The following TRIP6 variants were observed in gnomAD, a reference collection of about 807,000 sequenced individuals.
The protein encoded by TRIP6 is thyroid receptor-interacting protein 6.
In TRIP6, 33 loss-of-function variants were observed where a neutral mutation model predicts 51.9. That is an observed-to-expected ratio of 0.64 (90% CI 0.48 to 0.85). The LOEUF (loss-of-function observed/expected upper bound fraction) is 0.85. TRIP6 is among the 40% of genes least tolerant of loss of function. The pLI is 0.00. For synonymous variants in TRIP6, 255 were observed against 275.8 expected, an observed-to-expected ratio of 0.92 and a Z score of 0.75; for missense variants, 661 against 652.1, an observed-to-expected ratio of 1.01 and a Z score of -0.15.
In TRIP6 at chr7:100,867,484, C is replaced by A. The variant is rs769520272; in HGVS notation, c.-14C>A. On this transcript the variant is annotated 5_prime_UTR_variant, in exon 1 of 9. Transcript: ENST00000200457. This position sits in a 1 kb window ranked among gnomAD's most constrained non-coding sequence, Gnocchi z 5.4. ...GGCTTCAAGACCGCTGTCTGGAGTC[C>A]CCCTTTCCAGGCCATGTCGGGGCCC... 3 of 1,456,852 alleles carry A rather than the reference C, an allele frequency of 2.1e-6. No individual in the cohort carries two copies. The highest frequency in any genetic ancestry group is 1.5e-5 in the African/African-American group (1 of 68,238). The allele number at this position is 1,456,852 out of a possible 1,614,324, so 90.2% of individuals were successfully genotyped here. A position where few individuals can be genotyped will look rare whatever the true frequency, so the allele number is the denominator to read the frequency against.
Position 100,873,201 on chromosome 7 carries a change from CGA to C in TRIP6, c.1331_1332del (p.Glu444ValfsTer31), listed in dbSNP as rs1467799658. The C allele has an allele frequency of 6.2e-7, 1 of 1,613,408 alleles. No individual in the cohort carries two copies. The highest frequency in any genetic ancestry group is 8.5e-7 in the Non-Finnish European group (1 of 1,179,690). ...ECGLLLSSEG[E>X]CQGCYPLDGH... is the part of the protein sequence containing the mutation. ...GTGGGCTGCTGCTCTCCTCTGAGGG[CGA>C]GTGTCAGGGCTGCTACCCGCTGGAT... is the stretch of plus-strand genomic sequence containing the variant. On this transcript the variant is annotated frameshift_variant, in exon 9 of 9. Transcript: ENST00000200457. LOFTEE classifies it high-confidence loss of function.
In TRIP6 at chr7:100,867,849, C is replaced by T. The variant is rs752104344; in HGVS notation, c.110-12C>T. On this transcript the variant is annotated splice_polypyrimidine_tract_variant and intron_variant, in intron 1 of 8. Transcript: ENST00000200457. This position sits in a 1 kb window ranked among gnomAD's most constrained non-coding sequence, Gnocchi z 5.4. ...CGCCACCCCACCTTTGATTTCTCTT[C>T]CCTCAACCCAGCACTCCAGCCCCAC... The T allele has an allele frequency of 4.1e-5, 63 of 1,541,146 alleles. No individual in the cohort carries two copies. The highest frequency in any genetic ancestry group is 6.5e-5 in the Admixed American group (3 of 46,028).
At chr7:100,872,788 G>A in intron 8 of TRIP6, 44 bp downstream of exon 8, 1 of 1,611,440 alleles carries the variant, frequency 6.2e-7, no homozygotes, top group Non-Finnish European at 8.5e-7. Context: ...AGTGTCTAGG[G>A]TGCTGGGTAG....
rs754859842 is a variant in TRIP6, at chr7:100,871,628, G to A, written c.1085G>A (p.Cys362Tyr). ...RAMGKAYHPG[C>Y]FTCVVCHRGL... ...ATGGGGAAGGCCTACCACCCTGGCT[G>A]CTTCACCTGCGTGGTGTGTCACCGC... The change falls in exon 7 of 9, where the codon TGC (cysteine) becomes TAC (tyrosine). Residue 362 changes from cysteine to tyrosine, a missense_variant. By Grantham distance (194) the Cys-to-Tyr change is radical. Transcript: ENST00000200457. 1.2e-6 allele frequency: 2 copies of A among 1,614,116 alleles called. No individual in the cohort carries two copies. Among genetic ancestry groups the A allele is most frequent in the South Asian group, 2.2e-5 (2 of 91,088 alleles).
intron 4 of TRIP6, among the ~76,000 whole-genome samples, chr7:100,869,359 G>A (rs1205316458): frequency 1.3e-5 from 2 of 151,238 alleles, no homozygotes; most frequent in Non-Finnish European, 3.0e-5. Context: ...GGGGCTGAGC[G>A]CGGTGGCTCA....
rs371780993 is a variant in TRIP6, at chr7:100,871,587, C to T, written c.1044C>T (p.Asp348=). The part of the protein sequence containing the change: ...KCATCSQPIL[D]RILRAMGKAY... ...CCACGTGCTCCCAGCCCATCCTGGACCGGATCCTGCGGGCTATGGGGAAGG... is the reference window on the plus strand; with the variant it reads ...CCACGTGCTCCCAGCCCATCCTGGATCGGATCCTGCGGGCTATGGGGAAGG... Residue 348 remains aspartate (D), a synonymous_variant, in exon 7 of 9, where the codon GAC becomes GAT. Coordinates refer to ENST00000200457, the MANE Select transcript of TRIP6 (RefSeq NM_003302.3). The T allele has an allele frequency of 6.2e-6, 10 of 1,613,978 alleles. No individual in the cohort carries two copies. The South Asian group carries it at 7.7e-5, about 12-fold the overall frequency.
At chr7:100,872,575 C>T (rs1292240015) in intron 7 of TRIP6, 49 bp from the exon 8 acceptor site, 12 of 1,607,678 alleles carry the variant, frequency 7.5e-6, no homozygotes, top group Non-Finnish European at 1.0e-5. Context: ...ATTGTTGGTG[C>T]CCTGCAACCC....
At chr7:100,872,822 C>T in intron 8 of TRIP6, 78 bp downstream of exon 8, 1 of 1,536,546 alleles carries the variant, frequency 6.5e-7, no homozygotes, top group Non-Finnish European at 8.8e-7. Flanking sequence ...ACACAGAGGT[C>T]TGGGGTTGAT....
chr7:100,869,186 G>A (rs1815216703), intron 4 of TRIP6, among the ~76,000 whole-genome samples: 2 of 150,508 alleles, frequency 1.3e-5, no homozygotes, highest in South Asian at 2.2e-4. Flanking sequence ...TCGAACTCCC[G>A]ACCTCAGGTG....
At chr7:100,872,346 T>C (rs1815293418) in intron 7 of TRIP6, among the ~76,000 whole-genome samples, 3 of 152,166 alleles carry the variant, frequency 2.0e-5, no homozygotes. Context: ...TTCTTTGTAT[T>C]TTAATAAAGA....
intron 4 of TRIP6, 125 bp from the exon 5 acceptor site, chr7:100,870,245 C>A: frequency 1.1e-6 from 1 of 898,268 alleles, no homozygotes; most frequent in Non-Finnish European, 1.8e-6. Context: ...TGAAGCTTTG[C>A]TTGCCCATTG....
intron 6 of TRIP6, chr7:100,871,009 G>C (rs937119997): frequency 1.5e-6 from 1 of 652,538 alleles, no homozygotes. Flanking sequence ...CCCCTGTGAG[G>C]CAGGTATTAC....
rs766646780 is a variant in TRIP6, at chr7:100,873,156, GCTT to G, written c.1300-12_1300-10del. 6.2e-7 allele frequency: 1 copy of G among 1,606,814 alleles called. No homozygotes were observed. Among genetic ancestry groups the G allele is most frequent in the South Asian group, 1.1e-5 (1 of 90,868 alleles). The stretch of plus-strand genomic sequence containing the variant: ...GAGCCATCGCGCCCGGCCAATTGTT[GCTT>G]CTTTTTCAACAGGAGTGTGGGCTGC... On this transcript the variant is annotated splice_polypyrimidine_tract_variant and intron_variant, in intron 8 of 8. Transcript: ENST00000200457.
intron 7 of TRIP6, 47 bp from the exon 8 acceptor site, chr7:100,872,577 C>T: frequency 6.2e-7 from 1 of 1,609,662 alleles, no homozygotes. Flanking sequence ...TGTTGGTGCC[C>T]TGCAACCCCA....
rs371533314 is a variant in TRIP6 at position 100,870,429 on chromosome 7, C to T, written c.795C>T (p.His265=). 1.6e-4 allele frequency: 265 copies of T among 1,613,172 alleles called. No individual in the cohort carries two copies. Among genetic ancestry groups the T allele is most frequent in the Admixed American group, 3.3e-4 (20 of 59,998 alleles). ...ATAGGCTGACGAAGAAGCTGGTTCA[C>T]GACATGAACCACCCGCCCAGCGGGG... ...ELDRLTKKLV[H]DMNHPPSGEY... Residue 265 remains histidine (H), a synonymous_variant, in exon 5 of 9, where the codon CAC becomes CAT. Coordinates refer to ENST00000200457, the MANE Select transcript of TRIP6 (RefSeq NM_003302.3).
chr7:100,867,715 C>G lies in TRIP6; in HGVS notation c.109+109C>G, dbSNP rs1815171640. 17 of 1,523,382 alleles carry G rather than the reference C, an allele frequency of 1.1e-5. No individual in the cohort carries two copies. In the South Asian group the frequency reaches 2.0e-4, roughly 18 times the overall value. The allele number at this position is 1,523,382 out of a possible 1,614,324, so 94.4% of individuals were successfully genotyped here. A position where few individuals can be genotyped will look rare whatever the true frequency, so the allele number is the denominator to read the frequency against. Reference sequence around the variant, plus strand: ...GCTTCCTCCTGCCCCTTCCCCAAGCCGAGGCGGGGGGAACAGCCGCCTGCG... The same window carrying G: ...GCTTCCTCCTGCCCCTTCCCCAAGCGGAGGCGGGGGGAACAGCCGCCTGCG... On this transcript the variant is annotated intron_variant, in intron 1 of 8. Transcript: ENST00000200457. This position sits in a 1 kb window ranked among gnomAD's most constrained non-coding sequence, Gnocchi z 5.4.
At chr7:100,869,819 G>A (rs1217752304) in intron 4 of TRIP6, among the ~76,000 whole-genome samples, 1 of 146,622 alleles carries the variant, frequency 6.8e-6, no homozygotes, top group East Asian at 2.0e-4. Flanking sequence ...GGGGATGGGA[G>A]GGGGTGGGAG....
Position 100,867,895 on chromosome 7 carries a change from C to T in TRIP6, c.144C>T (p.Pro48=), listed in dbSNP as rs1815177495. 2.6e-6 allele frequency: 4 copies of T among 1,532,658 alleles called. No homozygotes were observed. The highest frequency in any genetic ancestry group is 2.3e-5 in the East Asian group (1 of 43,036). 94.9% of individuals were successfully genotyped at this position (1,532,658 alleles called of 1,614,324 possible). The change falls in exon 2 of 9, where the codon CCC becomes CCT. Residue 48 remains proline, a synonymous_variant. Coordinates refer to ENST00000200457, the MANE Select transcript of TRIP6 (RefSeq NM_003302.3). The surrounding 1 kb of genome is among the most constrained non-coding windows in gnomAD (Gnocchi z 5.4). ...LQPHPRVNFC[P]LPSEQCYQAP... Reference sequence around the variant, plus strand: ...CCCACCCCAGGGTCAATTTTTGCCCCCTTCCATCTGAGCAGTGTTACCAGG... The same window carrying T: ...CCCACCCCAGGGTCAATTTTTGCCCTCTTCCATCTGAGCAGTGTTACCAGG...
At position 100,867,658 on chromosome 7, in the gene TRIP6, C is replaced by T; in HGVS notation, c.109+52C>T. The T allele has an allele frequency of 6.4e-7, 1 of 1,563,512 alleles. No individual in the cohort carries two copies. Among genetic ancestry groups the T allele is most frequent in the Non-Finnish European group, 8.7e-7 (1 of 1,155,106 alleles). ...AGCCACCCAGCTGTGGCGCTCACCT[C>T]TGTCCTACCGCTCCAGCCTCCCGCC... On this transcript the variant is annotated intron_variant, in intron 1 of 8. Coordinates refer to ENST00000200457, the MANE Select transcript of TRIP6 (RefSeq NM_003302.3). This position sits in a 1 kb window ranked among gnomAD's most constrained non-coding sequence, Gnocchi z 5.4.
Sources: allele counts gnomAD v4.1 joint callset (sites outside exome capture counted in the v4.1 genomes callset), GRCh38; gene constraint gnomAD v4.1.1; non-coding constraint Gnocchi (gnomAD v3.1); transcripts MANE v1.5; gene names NCBI Gene and HGNC (gene_info 2026-07-23, HGNC 2026-07-21).